The following LYRM4 variants were observed in gnomAD, a reference collection of about 807,000 sequenced individuals.
LYRM4 encodes the protein LYR motif containing 4, also known as LYR motif-containing protein 4.
LYRM4 carries 9 observed loss-of-function variants against 11.7 expected under a neutral mutation model. That is an observed-to-expected ratio of 0.77 (90% CI 0.46 to 1.34). The LOEUF is 1.34. Among genes scored for constraint, LYRM4 ranks in the 40% most tolerant of loss-of-function variants. The pLI is 0.00. For missense variants in LYRM4, 133 were observed against 112.5 expected (o/e 1.18, Z -0.82); for synonymous variants, 42 against 40.4 (o/e 1.04, Z -0.15).
chr6:5,100,654 C>T (rs146103321), downstream of LYRM4, among the ~76,000 whole-genome samples: 380 of 152,228 alleles, frequency 2.5e-3, 2 homozygotes, highest in African/African-American at 8.9e-3. Context: ...AAAGGGGTTC[C>T]TGTGAGCTTG....
chr6:5,112,222 A>G (rs1174818380), intron 2 of LYRM4, among the ~76,000 whole-genome samples: 1 of 152,032 alleles, frequency 6.6e-6, no homozygotes, highest in African/African-American at 2.4e-5. Context: ...TGTGGTCCCT[A>G]TGAGGTCATG....
chr6:5,171,587 G>C (rs1171422623), intron 2 of LYRM4, among the ~76,000 whole-genome samples: 1 of 152,182 alleles, frequency 6.6e-6, no homozygotes, highest in Non-Finnish European at 1.5e-5. Context: ...ATAAATCAGG[G>C]AGTTTAAATT....
intron 2 of LYRM4, among the ~76,000 whole-genome samples, chr6:5,119,662 T>C (rs905848643): frequency 2.0e-5 from 3 of 151,702 alleles, no homozygotes; most frequent in African/African-American, 7.3e-5. Context: ...TGGTGGCCCA[T>C]GCCTGTAATC....
intron 2 of LYRM4, among the ~76,000 whole-genome samples, chr6:5,179,177 T>C (rs115932030): frequency 0.018 from 2,685 of 151,964 alleles, 75 homozygotes; most frequent in African/African-American, 0.061. Context: ...AAAATATATA[T>C]AACACAAAAT....
chr6:5,250,945 C>T (rs1262184489), intron 1 of LYRM4, among the ~76,000 whole-genome samples: 9 of 152,152 alleles, frequency 5.9e-5, no homozygotes, highest in Admixed American at 3.9e-4. Flanking sequence ...TTCTGTAATA[C>T]GATATATGAC....
downstream of LYRM4, chr6:5,104,100 A>G (rs1017477930): frequency 1.4e-4 from 21 of 152,472 alleles, no homozygotes; most frequent in African/African-American, 5.1e-4. Context: ...TATATAGAGC[A>G]ACCTTCCTCA....
chr6:5,081,763 C>A, the LYRM4 span, among the ~76,000 whole-genome samples: 1 of 152,074 alleles, frequency 6.6e-6, no homozygotes, highest in African/African-American at 2.4e-5. Flanking sequence ...ATAAAGAGTC[C>A]CTTTTGATCA....
intron 1 of LYRM4, among the ~76,000 whole-genome samples, chr6:5,237,544 TC>T (rs1763621577): frequency 6.6e-6 from 1 of 151,918 alleles, no homozygotes. Context: ...CCTGAAACCA[TC>T]CCCCACAACC....
intron 2 of LYRM4, among the ~76,000 whole-genome samples, chr6:5,141,098 A>G (rs1757383177): frequency 6.6e-6 from 1 of 152,212 alleles, no homozygotes; most frequent in African/African-American, 2.4e-5. Context: ...TACTTTCACA[A>G]AAGTTGAGCA....
intron 1 of LYRM4, among the ~76,000 whole-genome samples, chr6:5,259,258 T>C (rs2127787022): frequency 6.6e-6 from 1 of 152,376 alleles, no homozygotes; most frequent in Non-Finnish European, 1.5e-5. Flanking sequence ...AAATGGTTTC[T>C]ATTTATTTAA....
intron 1 of LYRM4, among the ~76,000 whole-genome samples, chr6:5,225,208 A>G (rs2127734918): frequency 6.7e-6 from 1 of 149,204 alleles, no homozygotes; most frequent in South Asian, 2.1e-4. Context: ...AGATTGCGCC[A>G]CTGCGCTCCA....
intron 2 of LYRM4, among the ~76,000 whole-genome samples, chr6:5,215,643 T>A (rs1762233380): frequency 6.6e-6 from 1 of 152,242 alleles, no homozygotes; most frequent in Non-Finnish European, 1.5e-5. Context: ...TGCTTCTTTT[T>A]TGAATTCTTT....
At chr6:5,259,338 T>C (rs1380166354) in intron 1 of LYRM4, among the ~76,000 whole-genome samples, 6 of 147,764 alleles carry the variant, frequency 4.1e-5, no homozygotes, top group Admixed American at 4.0e-4. Flanking sequence ...GGTTAATTCT[T>C]GCTAAAATTC....
chr6:5,053,725 C>A, the LYRM4 span, among the ~76,000 whole-genome samples: 2 of 151,996 alleles, frequency 1.3e-5, no homozygotes, highest in African/African-American at 4.8e-5. Context: ...GTATTGTTTC[C>A]AAGTTAACTG....
At chr6:5,163,875 G>T (rs967156039) in intron 2 of LYRM4, among the ~76,000 whole-genome samples, 1 of 152,160 alleles carries the variant, frequency 6.6e-6, no homozygotes, top group Middle Eastern at 3.4e-3. Context: ...CCAAAGTGCC[G>T]GGATTACAGC....
the LYRM4 span, chr6:5,084,677 C>T: frequency 1.3e-5 from 2 of 152,294 alleles, no homozygotes; most frequent in African/African-American, 4.8e-5. Context: ...CCCGCGCCGC[C>T]ACTGGGCAGA....
intron 1 of LYRM4, chr6:5,240,803 G>A (rs1581582893): frequency 6.6e-6 from 1 of 152,260 alleles, no homozygotes; most frequent in Admixed American, 6.5e-5. Flanking sequence ...TCAAGGGGAG[G>A]CAAGAACAGA....
intron 1 of LYRM4, among the ~76,000 whole-genome samples, chr6:5,244,123 C>A (rs1373278814): frequency 1.3e-5 from 2 of 152,234 alleles, no homozygotes; most frequent in African/African-American, 4.8e-5. Flanking sequence ...TCTGTACAAA[C>A]CATACTTCGA....
chr6:5,086,387 A>T, the LYRM4 span: 1 of 1,536,128 alleles, frequency 6.5e-7, no homozygotes, highest in South Asian at 1.2e-5. Flanking sequence ...GAGTGCTTCC[A>T]CTTCTCGCTG....
Sources: gnomAD v4.1 joint callset for allele counts (sites outside exome capture counted in the v4.1 genomes callset) on GRCh38, gnomAD v4.1.1 for gene constraint, MANE v1.5 for transcripts, NCBI Gene and HGNC (gene_info 2026-07-23, HGNC 2026-07-21) for gene names.